The following MYO5A variants were observed in gnomAD, a reference collection of about 807,000 sequenced individuals.
The protein encoded by MYO5A is myosin VA.
MYO5A carries 98 observed loss-of-function variants against 249.7 expected under a neutral mutation model. The ratio of observed to expected loss-of-function variants is 0.39; its 90% CI spans 0.33 to 0.46. The LOEUF is 0.46. Ranked by LOEUF, MYO5A falls within the 20% of genes least tolerant of loss-of-function variation. The probability of loss-of-function intolerance (pLI) is 0.98; values close to 1 mark genes in which losing one functional copy is unlikely to be tolerated. For missense variants in MYO5A, 1,696 were observed against 2,308.8 expected (o/e 0.73, Z 5.44); for synonymous variants, 778 against 810.6 (o/e 0.96, Z 0.68).
intron 9 of MYO5A, among the ~76,000 whole-genome samples, chr15:52,401,363 C>T (rs1250637006): frequency 6.6e-6 from 1 of 152,204 alleles, no homozygotes; most frequent in Non-Finnish European, 1.5e-5. Context: ...AGCTACCACG[C>T]CTGGCCTCTC....
At chr15:52,434,308 A>AT (rs1041676987) in intron 1 of MYO5A, among the ~76,000 whole-genome samples, 14 of 151,948 alleles carry the variant, frequency 9.2e-5, no homozygotes, top group Non-Finnish European at 1.3e-4. Context: ...CACAATTTGG[A>AT]TTTTTTTATG....
intron 38 of MYO5A, 38 bp downstream of exon 38, chr15:52,321,321 T>A: frequency 6.2e-7 from 1 of 1,613,714 alleles, no homozygotes; most frequent in Non-Finnish European, 8.5e-7. Flanking sequence ...GCATGAATGA[T>A]AGGCAGGCTG....
At position 52,319,235 on chromosome 15, in the gene MYO5A, C is replaced by G. The variant is rs962522643; in HGVS notation, c.5059G>C (p.Asp1687His). 1 of 1,614,030 alleles carries G rather than the reference C, an allele frequency of 6.2e-7. No individual in the cohort carries two copies. The highest frequency in any genetic ancestry group is 8.5e-7 in the Non-Finnish European group (1 of 1,180,026). ...GAGTTGAGCTGCCGGAGGATGGAGTCCAGTGTGTAGGTGCCCTCATCGGCG... is the reference window on the plus strand; with the variant it reads ...GAGTTGAGCTGCCGGAGGATGGAGTGCAGTGTGTAGGTGCCCTCATCGGCG... ...SIADEGTYTLDSILRQLNSFH... is the reference protein window; with the variant it reads ...SIADEGTYTLHSILRQLNSFH... The change falls in exon 39 of 42, where the codon GAC becomes CAC. Residue 1687 changes from aspartate (D) to histidine (H), a missense_variant. Around this residue, in one of 5 missense-constraint regions of MYO5A, gnomAD observed 625 missense variants for 908.1 expected, o/e 0.69. Coordinates refer to ENST00000399233, the MANE Select transcript of MYO5A (RefSeq NM_001382347.1).
chr15:52,374,262 G>C (rs538411372), intron 20 of MYO5A, among the ~76,000 whole-genome samples: 1 of 152,286 alleles, frequency 6.6e-6, no homozygotes, highest in Admixed American at 6.5e-5. Context: ...TTGGAGCATT[G>C]TATCTGTCAA....
chr15:52,326,067 C>T (rs2038588955), intron 36 of MYO5A, among the ~76,000 whole-genome samples: 1 of 152,168 alleles, frequency 6.6e-6, no homozygotes, highest in African/African-American at 2.4e-5. Flanking sequence ...GCTAGTTATG[C>T]TGCTTAGGGC....
chr15:52,511,587 A>C (rs1057511950), intron 1 of MYO5A, among the ~76,000 whole-genome samples: 3 of 152,214 alleles, frequency 2.0e-5, no homozygotes, highest in Admixed American at 6.5e-5. Flanking sequence ...TCCTCAGCTA[A>C]CATGAGAATG....
At chr15:52,387,129 G>A (rs1473933635) in intron 14 of MYO5A, among the ~76,000 whole-genome samples, 2 of 152,066 alleles carry the variant, frequency 1.3e-5, no homozygotes, top group Non-Finnish European at 2.9e-5. Flanking sequence ...TGCTCTCTGT[G>A]GGATGAACAT....
rs770046260 is a variant in MYO5A at position 52,314,200 on chromosome 15, C to T, written c.5413G>A (p.Val1805Met). 23 of 1,607,296 alleles carry T rather than the reference C, an allele frequency of 1.4e-5. No homozygotes were observed. Among genetic ancestry groups the T allele is most frequent in the Non-Finnish European group, 1.9e-5 (22 of 1,174,168 alleles). ...GGAGTATACAAATTCAACACTTTCA[C>T]AATCTGTGAGAAATGAAATGATCAA... ...MCNALTTAQIVKVLNLYTPVN... is the reference protein window; with the variant it reads ...MCNALTTAQIMKVLNLYTPVN... The change falls in exon 41 of 42, where the codon GTG becomes ATG. Residue 1805 changes from valine to methionine, a missense_variant. Around this residue, in one of 5 missense-constraint regions of MYO5A, gnomAD observed 625 missense variants for 908.1 expected, o/e 0.69. Coordinates refer to ENST00000399233, the MANE Select transcript of MYO5A (RefSeq NM_001382347.1).
chr15:52,481,888 A>G (rs1465152750), intron 1 of MYO5A, among the ~76,000 whole-genome samples: 1 of 152,224 alleles, frequency 6.6e-6, no homozygotes, highest in African/African-American at 2.4e-5. Flanking sequence ...AGGTATAAGT[A>G]TGTGGTTATG....
intron 16 of MYO5A, among the ~76,000 whole-genome samples, chr15:52,382,489 T>C (rs1471200931): frequency 6.6e-6 from 1 of 152,136 alleles, no homozygotes. Flanking sequence ...GAGAATCACT[T>C]GAACCTGGGA....
chr15:52,461,964 C>CAA (rs548304865), intron 1 of MYO5A, among the ~76,000 whole-genome samples: 2 of 139,524 alleles, frequency 1.4e-5, no homozygotes, highest in African/African-American at 5.3e-5. Context: ...GACTCCATCT[C>CAA]AAAAAAAAAA....
chr15:52,429,294 C>T (rs2075466325), intron 2 of MYO5A, among the ~76,000 whole-genome samples: 1 of 152,220 alleles, frequency 6.6e-6, no homozygotes, highest in Non-Finnish European at 1.5e-5. Context: ...TGGCTCACAC[C>T]TGTAATCCCA....
chr15:52,505,643 A>C (rs2077253135), intron 1 of MYO5A: 9 of 1,313,742 alleles, frequency 6.9e-6, no homozygotes, highest in Non-Finnish European at 9.9e-6. Context: ...TGGGATGATG[A>C]GACAGATATG....
At chr15:52,358,349 G>A (rs943124494) in intron 25 of MYO5A, among the ~76,000 whole-genome samples, 12 of 152,166 alleles carry the variant, frequency 7.9e-5, no homozygotes, top group Admixed American at 7.2e-4. Context: ...TCAACAGGAT[G>A]TAATCCTAAA....
chr15:52,512,973 A>T (rs1397155767), intron 1 of MYO5A, among the ~76,000 whole-genome samples: 1 of 151,338 alleles, frequency 6.6e-6, no homozygotes, highest in African/African-American at 2.4e-5. Flanking sequence ...GCACCAGTGC[A>T]CTCCAGCCTG....
intron 1 of MYO5A, among the ~76,000 whole-genome samples, chr15:52,487,464 C>T (rs1338766834): frequency 6.6e-6 from 1 of 151,870 alleles, no homozygotes; most frequent in Non-Finnish European, 1.5e-5. Context: ...TGGCTCACAA[C>T]TATAATCGCA....
chr15:52,494,059 T>C (rs2076989497), intron 1 of MYO5A, among the ~76,000 whole-genome samples: 2 of 152,118 alleles, frequency 1.3e-5, no homozygotes, highest in East Asian at 1.9e-4. Context: ...TGTCGACCTG[T>C]AATAGACAGA....
intron 1 of MYO5A, chr15:52,505,872 C>G: frequency 6.4e-7 from 1 of 1,565,038 alleles, no homozygotes; most frequent in South Asian, 1.2e-5. Flanking sequence ...AAAATCCATC[C>G]TGGATCATGG....
chr15:52,404,251 G>A (rs1442612688), intron 9 of MYO5A, among the ~76,000 whole-genome samples: 1 of 111,316 alleles, frequency 9.0e-6, no homozygotes, highest in South Asian at 3.2e-4. Flanking sequence ...TGGGCGACAA[G>A]AGTGAAACTC....
Sources: gnomAD v4.1 joint callset for allele counts (sites outside exome capture counted in the v4.1 genomes callset) on GRCh38, gnomAD v4.1.1 for gene constraint, gnomAD v4.1.1 regional missense constraint, MANE v1.5 for transcripts, NCBI Gene and HGNC (gene_info 2026-07-23, HGNC 2026-07-21) for gene names.